NWD2: variants seen among roughly 807,000 people sequenced by gnomAD.
NWD2 encodes the protein NACHT and WD repeat domain containing 2, also known as NACHT and WD repeat domain-containing protein 2.
NWD2 carries 37 observed loss-of-function variants against 132.7 expected under a neutral mutation model. The ratio of observed to expected loss-of-function variants is 0.28; its 90% CI spans 0.21 to 0.37. The LOEUF (loss-of-function observed/expected upper bound fraction) is 0.37, where lower values mean the gene tolerates loss of function less well. NWD2 is among the 10% of genes least tolerant of loss of function. NWD2 has a pLI of 1.00. For missense variants in NWD2, 1,592 were observed against 2,122.4 expected (o/e 0.75, Z 4.91); for synonymous variants, 705 against 803.0 (o/e 0.88, Z 2.06).
At chr4:37,368,575 A>G (rs911265336) in intron 3 of NWD2, among the ~76,000 whole-genome samples, 1 of 152,204 alleles carries the variant, frequency 6.6e-6, no homozygotes, top group African/African-American at 2.4e-5. Context: ...AATATTAGTT[A>G]GCTGCTATGG....
chr4:37,302,125 T>C (rs1718624160), intron 1 of NWD2, among the ~76,000 whole-genome samples: 1 of 151,546 alleles, frequency 6.6e-6, no homozygotes. Flanking sequence ...CATCCACTCT[T>C]CCCAGAATCT....
chr4:37,446,100 T>C lies in NWD2; in HGVS notation c.4112T>C (p.Ile1371Thr). The C allele has an allele frequency of 6.4e-7, 1 of 1,551,664 alleles. No individual in the cohort carries two copies. The highest frequency in any genetic ancestry group is 8.7e-7 in the Non-Finnish European group (1 of 1,146,890). The change falls in exon 7 of 7, where the codon ATA becomes ACA. Residue 1371 changes from isoleucine (I) to threonine (T), a missense_variant. Coordinates refer to ENST00000309447, the MANE Select transcript of NWD2 (RefSeq NM_001144990.2). The surrounding 1 kb of genome is among the most constrained non-coding windows in gnomAD (Gnocchi z 6.7). ...TGTGTGTTAACATCCACCGGAGATA[T>C]AATGGTGACATCAGATGACAAAAGC... ...EHCVLTSTGD[I>T]MVTSDDKSSQ...
At chr4:37,336,952 G>GAAAAAAA (rs11371327) in intron 2 of NWD2, among the ~76,000 whole-genome samples, 1 of 119,000 alleles carries the variant, frequency 8.4e-6, no homozygotes, top group Non-Finnish European at 1.7e-5. Flanking sequence ...CTCAAAAAAA[G>GAAAAAAA]AAAAAAAAAA....
chr4:37,299,531 A>G (rs1474523735), intron 1 of NWD2, among the ~76,000 whole-genome samples: 1 of 152,120 alleles, frequency 6.6e-6, no homozygotes, highest in Non-Finnish European at 1.5e-5. Context: ...AATATTGAAT[A>G]ATTTTCTGTT....
intron 1 of NWD2, among the ~76,000 whole-genome samples, chr4:37,301,218 A>AT (rs1281259486): frequency 2.6e-5 from 4 of 151,788 alleles, no homozygotes; most frequent in Non-Finnish European, 4.4e-5. Context: ...GGTAATCTGT[A>AT]TTTTTTCTCT....
intron 4 of NWD2, 88 bp from the exon 5 acceptor site, chr4:37,433,788 C>A: frequency 4.0e-6 from 4 of 1,004,064 alleles, no homozygotes; most frequent in Non-Finnish European, 5.8e-6. Context: ...ACATAGTAGG[C>A]CTTCAAATAA....
chr4:37,329,679 C>T (rs1719251154), intron 2 of NWD2, among the ~76,000 whole-genome samples: 1 of 151,912 alleles, frequency 6.6e-6, no homozygotes, highest in African/African-American at 2.4e-5. Context: ...CAGATGGCAT[C>T]AAAGTAAGAT....
At chr4:37,298,506 T>C (rs571316568) in intron 1 of NWD2, among the ~76,000 whole-genome samples, 1 of 152,292 alleles carries the variant, frequency 6.6e-6, no homozygotes, top group Admixed American at 6.5e-5. Context: ...TTGCTAATTT[T>C]TCCTTTGTAA....
At chr4:37,269,683 T>A (rs553466576) in intron 1 of NWD2, among the ~76,000 whole-genome samples, 1 of 151,944 alleles carries the variant, frequency 6.6e-6, no homozygotes, top group Non-Finnish European at 1.5e-5. Context: ...TTCTTATCCA[T>A]AATTTGTTTT....
At chr4:37,317,215 G>A (rs1776549) in intron 1 of NWD2, among the ~76,000 whole-genome samples, 11,069 of 152,164 alleles carry the variant, frequency 0.073, 1,238 homozygotes, top group African/African-American at 0.24. Context: ...GCCTTTTCTT[G>A]TTTCTGCTGC....
chr4:37,382,286 C>T lies in NWD2; in HGVS notation c.357+25804C>T, dbSNP rs143527467. Among the ~76,000 whole-genome samples the T allele has an allele frequency of 2.6e-3, 401 of 152,284 alleles. 1 individual carries two copies. Among genetic ancestry groups the T allele is most frequent in the Non-Finnish European group, 4.6e-3 (315 of 68,018 alleles). ...CCTTGCCAGGATGTCAGTGGGTCTG[C>T]GCCTGCACACCAGTGAACCTAGATT... On this transcript the variant is annotated intron_variant, in intron 3 of 6. Transcript: ENST00000309447.
chr4:37,300,380 G>A (rs1393306195), intron 1 of NWD2, among the ~76,000 whole-genome samples: 1 of 152,120 alleles, frequency 6.6e-6, no homozygotes, highest in Non-Finnish European at 1.5e-5. Context: ...TGCTAGTGGA[G>A]TGTAAAGTTC....
chr4:37,248,728 G>A (rs965614792), intron 1 of NWD2, among the ~76,000 whole-genome samples: 4 of 152,154 alleles, frequency 2.6e-5, no homozygotes, highest in African/African-American at 7.2e-5. Context: ...GAGTGTAAAG[G>A]CCCTCCTCTT....
chr4:37,300,102 C>T (rs968287861), intron 1 of NWD2, among the ~76,000 whole-genome samples: 2 of 152,096 alleles, frequency 1.3e-5, no homozygotes. Context: ...TGTCAAGTTC[C>T]AGCTTAATTG....
chr4:37,402,721 C>T (rs1720920891), intron 3 of NWD2, among the ~76,000 whole-genome samples: 1 of 152,266 alleles, frequency 6.6e-6, no homozygotes, highest in East Asian at 1.9e-4. Flanking sequence ...TGTTCACAAA[C>T]CCAGCTGCAT....
intron 3 of NWD2, among the ~76,000 whole-genome samples, chr4:37,379,247 G>A (rs1720405797): frequency 6.6e-6 from 1 of 152,026 alleles, no homozygotes; most frequent in Admixed American, 6.6e-5. Flanking sequence ...CAATGTAGTC[G>A]GTCAAATCTA....
intron 1 of NWD2, among the ~76,000 whole-genome samples, chr4:37,254,136 C>T (rs1023370236): frequency 1.3e-5 from 2 of 152,194 alleles, no homozygotes; most frequent in African/African-American, 4.8e-5. Context: ...ATAATCTGTA[C>T]AACCAACCGC....
chr4:37,429,253 T>G (rs1712103135), intron 3 of NWD2, among the ~76,000 whole-genome samples: 1 of 152,218 alleles, frequency 6.6e-6, no homozygotes, highest in South Asian at 2.1e-4. Context: ...TGCTATTCTC[T>G]CTAACATATG....
chr4:37,441,094 G>A (rs572268782), intron 6 of NWD2, among the ~76,000 whole-genome samples: 1 of 152,326 alleles, frequency 6.6e-6, no homozygotes, highest in East Asian at 1.9e-4. Flanking sequence ...ATTTACCTTT[G>A]AAAAGTCCAT....
Sources: allele counts gnomAD v4.1 joint callset (sites outside exome capture counted in the v4.1 genomes callset), GRCh38; gene constraint gnomAD v4.1.1; non-coding constraint Gnocchi (gnomAD v3.1); transcripts MANE v1.5; gene names NCBI Gene and HGNC (gene_info 2026-07-23, HGNC 2026-07-21).